ZNF562: variants seen among roughly 807,000 people sequenced by gnomAD.
ZNF562 encodes zinc finger protein 562.
In ZNF562, 13 loss-of-function variants were observed where a neutral mutation model predicts 17.5. The ratio of observed to expected loss-of-function variants is 0.74; its 90% CI spans 0.48 to 1.18. The LOEUF is 1.18. Among genes scored for constraint, ZNF562 ranks in the 50% most tolerant of loss-of-function variants. The pLI is 0.00. For missense variants in ZNF562, 481 were observed against 498.5 expected, an observed-to-expected ratio of 0.96 and a Z score of 0.33; for synonymous variants, 163 against 165.4, an observed-to-expected ratio of 0.99 and a Z score of 0.11.
rs957461915 is a variant in ZNF562 at position 9,675,014 on chromosome 19, C to A, written c.-131+1G>T. The stretch of plus-strand genomic sequence containing the variant: ...CGGACCCCCAAGCAGGTAGAACTCA[C>A]CACAGCGGGGTGGACTCCACCACAA... On this transcript the variant is annotated splice_donor_variant, in intron 1 of 5. Transcript: ENST00000453372. LOFTEE classifies it low-confidence loss of function (5UTR_SPLICE). 3.7e-5 allele frequency: 5 copies of A among 135,058 alleles called. No homozygotes were observed. The highest frequency in any genetic ancestry group is 6.1e-5 in the Non-Finnish European group (4 of 65,442). 8.4% of individuals were successfully genotyped at this position (135,058 alleles called of 1,614,324 possible).
At position 9,653,199 on chromosome 19, in the gene ZNF562, T is replaced by C; in HGVS notation, c.1031A>G (p.Tyr344Cys). The C allele has an allele frequency of 2.5e-6, 4 of 1,614,152 alleles. No individual in the cohort carries two copies. The highest frequency in any genetic ancestry group is 2.5e-6 in the Non-Finnish European group (3 of 1,180,014). The change falls in exon 6 of 6, where the codon TAT (tyrosine) becomes TGT (cysteine). Residue 344 changes from tyrosine (Y) to cysteine (C), a missense_variant. Tyr to Cys is a radical substitution (Grantham distance 194). Coordinates refer to ENST00000453372, the MANE Select transcript of ZNF562 (RefSeq NM_001130031.2). ...HVRTHTGIKP[Y>C]ECKECGQAFT... ...GGCTTGGCCACATTCCTTACATTCATAGGGTTTTATTCCAGTGTGAGTTCT... is the reference window on the plus strand; with the variant it reads ...GGCTTGGCCACATTCCTTACATTCACAGGGTTTTATTCCAGTGTGAGTTCT...
At chr19:9,663,211 C>A (rs1163363363) in intron 1 of ZNF562, among the ~76,000 whole-genome samples, 1 of 147,562 alleles carries the variant, frequency 6.8e-6, no homozygotes, top group African/African-American at 2.6e-5. Flanking sequence ...CGAGACCATC[C>A]GGCTAATGCA....
At chr19:9,670,274 G>T (rs538947769) in intron 1 of ZNF562, among the ~76,000 whole-genome samples, 2 of 151,828 alleles carry the variant, frequency 1.3e-5, no homozygotes, top group African/African-American at 4.8e-5. Context: ...CAGTATGGGG[G>T]TTTCTCAAAA....
At chr19:9,658,310 T>G in intron 3 of ZNF562, 175 bp from the exon 4 acceptor site, 4 of 985,400 alleles carry the variant, frequency 4.1e-6, no homozygotes, top group Non-Finnish European at 4.8e-6. Context: ...AAGGTTGACC[T>G]CCTACAGGCA....
rs2074780872 is a variant in ZNF562 at position 9,642,787 on chromosome 19, G to A, written c.*10162C>T. On this transcript the variant is annotated 3_prime_UTR_variant, in exon 6 of 6. Transcript: ENST00000453372. ...TCAACCCTGTCATCCTAGCATTTTG[G>A]GAGGCTGATGCAGAAGGATAACTTG... 1 of 151,668 alleles carries A rather than the reference G, an allele frequency of 6.6e-6. No homozygotes were observed. The highest frequency in any genetic ancestry group is 2.1e-4 in the South Asian group (1 of 4,806). The allele number at this position is 151,668 out of a possible 1,614,324, so 9.4% of individuals were successfully genotyped here.
chr19:9,653,034 G>A lies in ZNF562; in HGVS notation c.1196C>T (p.Pro399Leu), dbSNP rs1205702212. The A allele has an allele frequency of 6.3e-7, 1 of 1,580,802 alleles. No homozygotes were observed. The highest frequency in any genetic ancestry group is 1.9e-5 in the Admixed American group (1 of 53,846). The change falls in exon 6 of 6, where the codon CCT becomes CTT. Residue 399 changes from proline to leucine, a missense_variant. Pro to Leu is a moderately conservative substitution (Grantham distance 98). Coordinates refer to ENST00000453372, the MANE Select transcript of ZNF562 (RefSeq NM_001130031.2). The part of the protein sequence containing the change: ...QHRRIHTGEK[P>L]YECVECGKTF... ...CTTCCCACATTCAACACATTCATAAGGCTTCTCTCCTGTGTGAATTCTTCT... is the reference window on the plus strand; with the variant it reads ...CTTCCCACATTCAACACATTCATAAAGCTTCTCTCCTGTGTGAATTCTTCT...
Position 9,649,187 on chromosome 19 carries a change from G to A in ZNF562, c.*3762C>T, listed in dbSNP as rs1373005011. The stretch of plus-strand genomic sequence containing the variant: ...TTCATGGACACTTATCACTTCCCCA[G>A]TCAATACCCTTGTGATTTCCTATGC... On this transcript the variant is annotated 3_prime_UTR_variant, in exon 6 of 6. Transcript: ENST00000453372. 1 of 152,100 alleles carries A rather than the reference G, an allele frequency of 6.6e-6. No homozygotes were observed. Among genetic ancestry groups the A allele is most frequent in the African/African-American group, 2.4e-5 (1 of 41,420 alleles). The allele number at this position is 152,100 out of a possible 1,614,324, so 9.4% of individuals were successfully genotyped here. A position where few individuals can be genotyped will look rare whatever the true frequency, so the allele number is the denominator to read the frequency against.
rs910252482 is a variant in ZNF562, at chr19:9,643,445, A to T, written c.*9504T>A. ...ATTCCAGGCATCATCCATAATGATG[A>T]ATGCACAAATACAAAGATACGAATG... On this transcript the variant is annotated 3_prime_UTR_variant, in exon 6 of 6. Coordinates refer to ENST00000453372, the MANE Select transcript of ZNF562 (RefSeq NM_001130031.2). 1 of 152,160 alleles carries T rather than the reference A, an allele frequency of 6.6e-6. No homozygotes were observed. The highest frequency in any genetic ancestry group is 1.5e-5 in the Non-Finnish European group (1 of 68,034). 9.4% of individuals were successfully genotyped at this position (152,160 alleles called of 1,614,324 possible).
At chr19:9,667,766 TA>T (rs1568279331) in intron 1 of ZNF562, among the ~76,000 whole-genome samples, 1 of 151,798 alleles carries the variant, frequency 6.6e-6, no homozygotes, top group East Asian at 1.9e-4. Context: ...TTTTTTTTTT[TA>T]GAGACTGGGG....
In ZNF562 at chr19:9,653,452, C is replaced by T. The variant is rs1059199; in HGVS notation, c.778G>A (p.Glu260Lys). 165 of 1,614,138 alleles carry T rather than the reference C, an allele frequency of 1.0e-4. No individual in the cohort carries two copies. The highest frequency in any genetic ancestry group is 4.0e-4 in the East Asian group (18 of 44,878). ...GATTTCCCACAGTTCTTAGTCTTTT[C>T]GGATTTCTTTCCAGTATGAACTGCT... Reference protein sequence around the residue: ...CVAVHTGKKSEKTKNCGKSFT... With the variant: ...CVAVHTGKKSKKTKNCGKSFT... The change falls in exon 6 of 6, where the codon GAA (glutamate) becomes AAA (lysine). Residue 260 changes from glutamate (E) to lysine (K), a missense_variant. Physicochemically the swap from Glu to Lys is moderately conservative, Grantham distance 56 (BLOSUM62 1). This residue lies in a region of ZNF562 where 403 missense variants were observed against 386.4 expected (regional missense o/e 1.04). Coordinates refer to ENST00000453372, the MANE Select transcript of ZNF562 (RefSeq NM_001130031.2).
Position 9,653,745 on chromosome 19 carries a change from C to A in ZNF562, c.485G>T (p.Ser162Ile), listed in dbSNP as rs200076265. ...TFEGNCYGKD[S>I]ISVHKEASIG... is the part of the protein sequence containing the mutation. ...AGAGGCTTCCTTGTGCACACTGATGCTGTCTTTTCCATAACAATTACCCTC... is the reference window on the plus strand; with the variant it reads ...AGAGGCTTCCTTGTGCACACTGATGATGTCTTTTCCATAACAATTACCCTC... Residue 162 changes from serine (S) to isoleucine (I), a missense_variant, in exon 6 of 6, where the codon AGC (serine) becomes ATC (isoleucine). Ser to Ile is a moderately radical substitution (Grantham distance 142). Transcript: ENST00000453372. 426 of 1,614,090 alleles carry A rather than the reference C, an allele frequency of 2.6e-4. No homozygotes were observed. Among genetic ancestry groups the A allele is most frequent in the Non-Finnish European group, 3.4e-4 (401 of 1,179,986 alleles).
At chr19:9,658,221 T>C in intron 3 of ZNF562, 86 bp from the exon 4 acceptor site, 1 of 1,494,756 alleles carries the variant, frequency 6.7e-7, no homozygotes, top group Non-Finnish European at 9.0e-7. Context: ...AACCTTATAC[T>C]CACTTATACG....
intron 1 of ZNF562, among the ~76,000 whole-genome samples, chr19:9,664,592 A>C (rs2043876450): frequency 6.6e-6 from 1 of 152,210 alleles, no homozygotes; most frequent in South Asian, 2.1e-4. Context: ...GGTTTGGCTT[A>C]TGGATGTAAT....
At chr19:9,669,307 C>CT (rs1432709481) in intron 1 of ZNF562, among the ~76,000 whole-genome samples, 1 of 151,990 alleles carries the variant, frequency 6.6e-6, no homozygotes, top group East Asian at 1.9e-4. Flanking sequence ...ATAGATGTTT[C>CT]TCAAAAAAAA....
At position 9,645,515 on chromosome 19, in the gene ZNF562, T is replaced by C. The variant is rs1396990441; in HGVS notation, c.*7434A>G. ...CTAGCTGAAAACAGCAGCTACTTAA[T>C]TAGCAGAAGCCTCTTGAGGATGGAC... On this transcript the variant is annotated 3_prime_UTR_variant, in exon 6 of 6. Coordinates refer to ENST00000453372, the MANE Select transcript of ZNF562 (RefSeq NM_001130031.2). The C allele has an allele frequency of 6.6e-6, 1 of 152,250 alleles. No homozygotes were observed. Among genetic ancestry groups the C allele is most frequent in the Non-Finnish European group, 1.5e-5 (1 of 68,052 alleles). The allele number at this position is 152,250 out of a possible 1,614,324, so 9.4% of individuals were successfully genotyped here.
intron 1 of ZNF562, among the ~76,000 whole-genome samples, chr19:9,673,216 C>A (rs756650169): frequency 1.1e-3 from 168 of 152,260 alleles, no homozygotes; most frequent in Middle Eastern, 3.4e-3. Context: ...ATTCTGCGGT[C>A]TGACCCTAAC....
chr19:9,664,721 C>G (rs1599306234), intron 1 of ZNF562, among the ~76,000 whole-genome samples: 1 of 152,106 alleles, frequency 6.6e-6, no homozygotes, highest in Non-Finnish European at 1.5e-5. Flanking sequence ...AGGTGGATCA[C>G]CTGAGGGCAG....
At chr19:9,661,308 C>A (rs146210388) in intron 1 of ZNF562, among the ~76,000 whole-genome samples, 204 of 152,022 alleles carry the variant, frequency 1.3e-3, no homozygotes, top group African/African-American at 4.8e-3. Context: ...CATCGTCAAG[C>A]CTTATTATTA....
At chr19:9,673,211 G>C (rs986722569) in intron 1 of ZNF562, among the ~76,000 whole-genome samples, 1 of 152,106 alleles carries the variant, frequency 6.6e-6, no homozygotes, top group Admixed American at 6.5e-5. Context: ...TTTAGATTCT[G>C]CGGTCTGACC....
Sources: gnomAD v4.1 joint callset for allele counts (sites outside exome capture counted in the v4.1 genomes callset) on GRCh38, gnomAD v4.1.1 for gene constraint, gnomAD v4.1.1 regional missense constraint, MANE v1.5 for transcripts, NCBI Gene and HGNC (gene_info 2026-07-23, HGNC 2026-07-21) for gene names.